The following DERL1 variants were observed in gnomAD, a reference collection of about 807,000 sequenced individuals.
DERL1 encodes derlin 1, also known as derlin-1.
In DERL1, 24 loss-of-function variants were observed where a neutral mutation model predicts 41.6. That is an observed-to-expected ratio of 0.58 (90% CI 0.42 to 0.81). The LOEUF is 0.81. Ranked by LOEUF, DERL1 falls within the 30% of genes least tolerant of loss-of-function variation. DERL1 has a pLI of 0.00. For missense variants in DERL1, 260 were observed against 314.3 expected (o/e 0.83, Z 1.31); for synonymous variants, 124 against 112.5 (o/e 1.10, Z -0.65).
At chr8:123,036,283 T>C (rs574252777) in intron 1 of DERL1, among the ~76,000 whole-genome samples, 1 of 152,252 alleles carries the variant, frequency 6.6e-6, no homozygotes. Flanking sequence ...TGTGGTATGG[T>C]CCCATAATGA....
chr8:123,037,164 C>T (rs1812945031), intron 1 of DERL1, among the ~76,000 whole-genome samples: 3 of 152,072 alleles, frequency 2.0e-5, no homozygotes, highest in Admixed American at 2.0e-4. Flanking sequence ...TTTTCCCATA[C>T]CAACCACGTA....
rs1347299836 is a variant in DERL1 at position 123,041,955 on chromosome 8, G to A, written c.153+15C>T. ...GGGGCCTGTAGTCTCCACGCCCCCC[G>A]TCTCCGGTAAGTACCTGAAAGCGAT... On this transcript the variant is annotated intron_variant, in intron 1 of 7. Transcript: ENST00000259512. 1 of 1,597,522 alleles carries A rather than the reference G, an allele frequency of 6.3e-7. No homozygotes were observed. The highest frequency in any genetic ancestry group is 8.6e-7 in the Non-Finnish European group (1 of 1,169,498).
chr8:123,036,680 C>T (rs1812936183), intron 1 of DERL1, among the ~76,000 whole-genome samples: 2 of 152,260 alleles, frequency 1.3e-5, no homozygotes, highest in Admixed American at 1.3e-4. Context: ...TCAACATGGA[C>T]AGGACTACTA....
At chr8:123,032,084 C>A (rs181978695) in intron 1 of DERL1, among the ~76,000 whole-genome samples, 1 of 152,094 alleles carries the variant, frequency 6.6e-6, no homozygotes, top group African/African-American at 2.4e-5. Flanking sequence ...CACCTTTTCA[C>A]GTTTTAAAAA....
chr8:123,015,676 T>G, intron 7 of DERL1, 91 bp from the exon 8 acceptor site: 1 of 1,456,104 alleles, frequency 6.9e-7, no homozygotes, highest in Non-Finnish European at 9.1e-7. Flanking sequence ...CTCCCTCTCC[T>G]GCTGTTCCCA....
At chr8:123,022,661 CT>C in intron 5 of DERL1, 22 bp downstream of exon 5, 1 of 1,610,960 alleles carries the variant, frequency 6.2e-7, no homozygotes, top group Non-Finnish European at 8.5e-7. Flanking sequence ...GAAAAGGACA[CT>C]TTTCCAACCA....
rs60050028 is a variant in DERL1, at chr8:123,019,432, A to G, written c.507-127T>C. On this transcript the variant is annotated intron_variant, in intron 6 of 7. Transcript: ENST00000259512. ...AGTCCCTGGGAGTCTGTGAGAGCTG[A>G]CAATGAGCACTTTTGTAGTCTGAGT... The G allele has an allele frequency of 6.8e-4, 442 of 652,326 alleles. 2 individuals are homozygous for G. In the African/African-American group the frequency reaches 7.2e-3, roughly 11 times the overall value. 40.4% of individuals were successfully genotyped at this position (652,326 alleles called of 1,614,324 possible).
intron 5 of DERL1, 76 bp from the exon 6 acceptor site, chr8:123,021,575 G>C (rs1156996775): frequency 3.0e-6 from 4 of 1,336,386 alleles, no homozygotes; most frequent in Admixed American, 1.7e-5. Flanking sequence ...GACTAAAGTG[G>C]GTAAGGATAC....
chr8:123,031,776 T>C (rs1422799152), intron 1 of DERL1, among the ~76,000 whole-genome samples: 1 of 152,206 alleles, frequency 6.6e-6, no homozygotes, highest in Non-Finnish European at 1.5e-5. Context: ...TAGTATTCCT[T>C]GTATGTGAAT....
At chr8:123,023,896 C>A (rs1045440644) in intron 3 of DERL1, among the ~76,000 whole-genome samples, 157 bp from the exon 4 acceptor site, 3 of 152,182 alleles carry the variant, frequency 2.0e-5, no homozygotes, top group Non-Finnish European at 4.4e-5. Context: ...GATGGGAGGA[C>A]TGCTTGAGGC....
chr8:123,022,745 T>C lies in DERL1; in HGVS notation c.392A>G (p.Tyr131Cys), dbSNP rs766889550. 1.5e-5 allele frequency: 25 copies of C among 1,613,926 alleles called. No homozygotes were observed. Among genetic ancestry groups the C allele is most frequent in the Non-Finnish European group, 1.9e-5 (22 of 1,179,984 alleles). Residue 131 changes from tyrosine to cysteine, a missense_variant, in exon 5 of 8, where the codon TAT becomes TGT. Transcript: ENST00000259512. Reference sequence around the variant, plus strand: ...GTCTCTGTTCAGCTGGGCCCAGACATAAAGTACTGACATGATCAGAGGAAT... The same window carrying C: ...GTCTCTGTTCAGCTGGGCCCAGACACAAAGTACTGACATGATCAGAGGAAT... ...LMIPLIMSVL[Y>C]VWAQLNRDMI...
intron 1 of DERL1, among the ~76,000 whole-genome samples, chr8:123,031,470 A>C (rs1214254847): frequency 1.3e-5 from 2 of 152,114 alleles, no homozygotes; most frequent in Admixed American, 1.3e-4. Flanking sequence ...GCTTGAACCC[A>C]GGAGGCGGAG....
At chr8:123,027,387 T>A (rs1209521417) in intron 2 of DERL1, among the ~76,000 whole-genome samples, 1 of 147,656 alleles carries the variant, frequency 6.8e-6, no homozygotes, top group Non-Finnish European at 1.5e-5. Flanking sequence ...CTGCTAATGG[T>A]AGGGTTTCTT....
At chr8:123,018,855 C>T (rs549849665) in intron 7 of DERL1, 89 of 283,102 alleles carry the variant, frequency 3.1e-4, no homozygotes, top group African/African-American at 1.9e-3. Flanking sequence ...AGAAAAGACA[C>T]CCCACTAACC....
Position 123,023,803 on chromosome 8 carries a change from G to A in DERL1, c.331-64C>T, listed in dbSNP as rs188895233. On this transcript the variant is annotated intron_variant, in intron 3 of 7. Coordinates refer to ENST00000259512, the MANE Select transcript of DERL1 (RefSeq NM_024295.6). ...TTCTGTACCTAGTCAAGACTGATGT[G>A]GTTATTTTCCTCCCATTTAAAAGTT... 919 of 1,550,942 alleles carry A rather than the reference G, an allele frequency of 5.9e-4. No individual in the cohort carries two copies. The African/African-American group carries it at 8.3e-3, about 14-fold the overall frequency.
intron 2 of DERL1, among the ~76,000 whole-genome samples, chr8:123,027,819 TG>T (rs1446754588): frequency 7.9e-5 from 12 of 152,262 alleles, no homozygotes; most frequent in African/African-American, 2.6e-4. Context: ...CCCAGCACTT[TG>T]GGAGGCTGAG....
chr8:123,032,140 T>C (rs561111481), intron 1 of DERL1, among the ~76,000 whole-genome samples: 17 of 149,918 alleles, frequency 1.1e-4, no homozygotes, highest in African/African-American at 4.0e-4. Flanking sequence ...TTTACATTTT[T>C]TTTTTCCCCC....
In DERL1 at chr8:123,028,150, G is replaced by A. The variant is rs571599505; in HGVS notation, c.265+2455C>T. On this transcript the variant is annotated intron_variant, in intron 2 of 7. Coordinates refer to ENST00000259512, the MANE Select transcript of DERL1 (RefSeq NM_024295.6). ...TAGAATTATGTTTTAAGTCCTTATA[G>A]TTCAGAGTTAAATTCTGAAATATTT... Among the ~76,000 whole-genome samples the A allele has an allele frequency of 2.6e-5, 4 of 151,422 alleles. No individual in the cohort carries two copies. The East Asian group carries it at 7.8e-4, about 29-fold the overall frequency.
intron 1 of DERL1, among the ~76,000 whole-genome samples, chr8:123,037,387 C>T (rs1306170656): frequency 3.9e-5 from 6 of 152,166 alleles, no homozygotes; most frequent in Non-Finnish European, 5.9e-5. Context: ...AAAAAAGTTG[C>T]ATTAAATTGA....
Sources: allele counts gnomAD v4.1 joint callset (sites outside exome capture counted in the v4.1 genomes callset), GRCh38; gene constraint gnomAD v4.1.1; transcripts MANE v1.5; gene names NCBI Gene and HGNC (gene_info 2026-07-23, HGNC 2026-07-21).